The following FGF14 variants were observed in gnomAD, a reference collection of about 807,000 sequenced individuals.
The protein encoded by FGF14 is fibroblast growth factor homologous factor 4.
In FGF14, 5 loss-of-function variants were observed where a neutral mutation model predicts 25.5. The ratio of observed to expected loss-of-function variants is 0.20; its 90% confidence interval spans 0.10 to 0.41. The LOEUF (loss-of-function observed/expected upper bound fraction) is 0.41. FGF14 is among the 10% of genes least tolerant of loss of function. FGF14 has a pLI of 1.00. For missense variants in FGF14, 222 were observed against 320.1 expected (o/e 0.69, Z 2.34); for synonymous variants, 138 against 118.3 (o/e 1.17, Z -1.08).
At chr13:102,033,925 G>A (rs1566599132) in intron 1 of FGF14, among the ~76,000 whole-genome samples, 1 of 152,026 alleles carries the variant, frequency 6.6e-6, no homozygotes, top group African/African-American at 2.4e-5. Flanking sequence ...GTGTCAGAAC[G>A]CTGTCTGCCT....
chr13:102,135,206 TCAAA>T (rs750528123), intron 1 of FGF14, among the ~76,000 whole-genome samples: 29 of 152,078 alleles, frequency 1.9e-4, no homozygotes, highest in Non-Finnish European at 2.6e-4. Context: ...AGACCCTATC[TCAAA>T]CAAACAAACA....
At chr13:102,259,868 G>C (rs1024116797) in intron 1 of FGF14, among the ~76,000 whole-genome samples, 1 of 152,124 alleles carries the variant, frequency 6.6e-6, no homozygotes, top group African/African-American at 2.4e-5. Flanking sequence ...ATTGCTTTAT[G>C]TCTTTGCTCT....
intron 1 of FGF14, among the ~76,000 whole-genome samples, chr13:102,247,899 C>T (rs2051964014): frequency 6.6e-6 from 1 of 152,124 alleles, no homozygotes; most frequent in South Asian, 2.1e-4. Context: ...CTATGGGATA[C>T]TACACAGCCA....
intron 1 of FGF14, among the ~76,000 whole-genome samples, chr13:102,231,589 A>G (rs946345908): frequency 6.6e-6 from 1 of 152,208 alleles, no homozygotes; most frequent in African/African-American, 2.4e-5. Flanking sequence ...CTTCTTCAGC[A>G]TTCAGTAACT....
At chr13:101,992,593 T>C (rs1183728025) in intron 1 of FGF14, among the ~76,000 whole-genome samples, 2 of 151,972 alleles carry the variant, frequency 1.3e-5, no homozygotes, top group African/African-American at 4.8e-5. Flanking sequence ...GAACAAGATG[T>C]AAGAGAAGAT....
intron 1 of FGF14, among the ~76,000 whole-genome samples, chr13:102,161,630 A>AGACGAAGAAGAC (rs1566764734): frequency 2.2e-4 from 2 of 9,136 alleles, no homozygotes; most frequent in Non-Finnish European, 3.7e-4. Flanking sequence ...AAGAAGAAGA[A>AGACGAAGAAGAC]GAAGAAGAAG....
intron 1 of FGF14, among the ~76,000 whole-genome samples, chr13:102,167,118 T>C (rs1049737134): frequency 5.3e-5 from 8 of 151,962 alleles, no homozygotes; most frequent in African/African-American, 1.9e-4. Flanking sequence ...CTGGCCAACA[T>C]GGTGAAACCC....
intron 1 of FGF14, among the ~76,000 whole-genome samples, chr13:102,374,199 C>G (rs1053668022): frequency 4.6e-5 from 7 of 152,020 alleles, no homozygotes; most frequent in Non-Finnish European, 5.9e-5. Context: ...TTTCAAAGTA[C>G]AAAGAAGATG....
intron 1 of FGF14, among the ~76,000 whole-genome samples, chr13:102,034,770 T>C (rs1362904968): frequency 6.6e-6 from 1 of 152,146 alleles, no homozygotes; most frequent in Non-Finnish European, 1.5e-5. Flanking sequence ...CATTAGATGA[T>C]GGCTATGCCA....
intron 3 of FGF14, among the ~76,000 whole-genome samples, chr13:101,774,197 T>C (rs1485134427): frequency 6.6e-6 from 1 of 152,096 alleles, no homozygotes; most frequent in Non-Finnish European, 1.5e-5. Flanking sequence ...TGTCTCCAAA[T>C]ATTTGAAGAA....
At chr13:102,252,976 A>G (rs4468459) in intron 1 of FGF14, among the ~76,000 whole-genome samples, 124,232 of 152,160 alleles carry the variant, frequency 0.82, 51,256 homozygotes, top group African/African-American at 0.94. Flanking sequence ...AGCTCCATCC[A>G]TGTCCCTGCA....
chr13:101,853,672 T>C (rs1236921283), intron 3 of FGF14, among the ~76,000 whole-genome samples: 1 of 151,982 alleles, frequency 6.6e-6, no homozygotes, highest in African/African-American at 2.4e-5. Flanking sequence ...CCGAGGCTGA[T>C]CTGAAGCTCC....
intron 1 of FGF14, among the ~76,000 whole-genome samples, chr13:102,177,723 G>A (rs1456455933): frequency 6.6e-6 from 1 of 151,568 alleles, no homozygotes; most frequent in African/African-American, 2.4e-5. Flanking sequence ...CATCCAAAGG[G>A]AAGTCTATTA....
intron 1 of FGF14, among the ~76,000 whole-genome samples, chr13:102,166,689 C>G (rs2048027552): frequency 6.6e-6 from 1 of 152,128 alleles, no homozygotes; most frequent in Non-Finnish European, 1.5e-5. Context: ...ATGTTTCATT[C>G]AGACATGAGT....
intron 1 of FGF14, among the ~76,000 whole-genome samples, chr13:101,948,687 A>T (rs1268920681): frequency 6.6e-6 from 1 of 152,058 alleles, no homozygotes; most frequent in South Asian, 2.1e-4. Context: ...ACAAAGAAGC[A>T]AAAATGAGTG....
At chr13:101,877,806 T>C (rs2045481163) in intron 1 of FGF14, among the ~76,000 whole-genome samples, 2 of 152,160 alleles carry the variant, frequency 1.3e-5, no homozygotes, top group East Asian at 1.9e-4. Flanking sequence ...CACTTTTCCA[T>C]TGGCCACATT....
At chr13:102,362,580 A>G (rs1483973357) in intron 1 of FGF14, among the ~76,000 whole-genome samples, 1 of 152,210 alleles carries the variant, frequency 6.6e-6, no homozygotes, top group Non-Finnish European at 1.5e-5. Context: ...GATATGGGGT[A>G]AGTTAATCTT....
intron 3 of FGF14, among the ~76,000 whole-genome samples, chr13:101,795,980 T>A (rs182207942): frequency 6.6e-6 from 1 of 152,194 alleles, no homozygotes; most frequent in Non-Finnish European, 1.5e-5. Flanking sequence ...TTGTGTAAAG[T>A]GTGCTACATG....
intron 1 of FGF14, among the ~76,000 whole-genome samples, chr13:102,020,922 T>TA (rs35573849): frequency 0.048 from 6,886 of 143,720 alleles, 473 homozygotes; most frequent in African/African-American, 0.16. Context: ...AACACAGAGA[T>TA]AAAAAAAAAA....
Sources: allele counts gnomAD v4.1 joint callset (sites outside exome capture counted in the v4.1 genomes callset), GRCh38; gene constraint gnomAD v4.1.1; transcripts MANE v1.5; gene names NCBI Gene and HGNC (gene_info 2026-07-23, HGNC 2026-07-21).